NUP98: variants seen among roughly 807,000 people sequenced by gnomAD.
The protein encoded by NUP98 is nuclear pore complex protein Nup98-Nup96.
Under a neutral mutation model 191.9 loss-of-function variants are expected in NUP98, and 26 were observed. The observed-to-expected ratio is 0.14, with a 90% CI of 0.10 to 0.19. The LOEUF is 0.19. NUP98 is among the 10% of genes least tolerant of loss of function. NUP98 has a pLI of 1.00. For missense variants in NUP98, 1,941 were observed against 2,178.8 expected (o/e 0.89, Z 2.17); for synonymous variants, 808 against 778.4 (o/e 1.04, Z -0.63).
At chr11:3,736,874 A>C (rs1327023736) in intron 12 of NUP98, among the ~76,000 whole-genome samples, 1 of 152,200 alleles carries the variant, frequency 6.6e-6, no homozygotes, top group Non-Finnish European at 1.5e-5. Flanking sequence ...TTATAAGTTT[A>C]TTATTTACAT....
intron 18 of NUP98, 65 bp downstream of exon 18, chr11:3,719,347 T>C: frequency 7.5e-7 from 1 of 1,327,676 alleles, no homozygotes; most frequent in Non-Finnish European, 1.1e-6. Context: ...CTAAACACAT[T>C]TATGTTTACA....
intron 11 of NUP98, among the ~76,000 whole-genome samples, chr11:3,745,457 T>C (rs1339464028): frequency 1.3e-5 from 2 of 152,142 alleles, no homozygotes; most frequent in South Asian, 2.1e-4. Flanking sequence ...TTGTAGAAAC[T>C]GGTATTGTTG....
At position 3,774,005 on chromosome 11, in the gene NUP98, T is replaced by C. The variant is rs567494425; in HGVS notation, c.496-266A>G. 3.2e-4 allele frequency among the ~76,000 whole-genome samples: 48 copies of C among 152,188 alleles called. 2 individuals are homozygous for C. In the South Asian group the frequency reaches 1.0e-2, roughly 32 times the overall value. ...CAAGCCATCCAATTACATGGTAAAA[T>C]ACATGTAATATTATGCATAAAGAAA... On this transcript the variant is annotated intron_variant, in intron 5 of 32. Coordinates refer to ENST00000324932, the MANE Select transcript of NUP98 (RefSeq NM_016320.5).
intron 18 of NUP98, chr11:3,714,894 A>G (rs1014592162): frequency 2.0e-5 from 3 of 152,226 alleles, no homozygotes; most frequent in Non-Finnish European, 4.4e-5. Flanking sequence ...CCATTCACTT[A>G]TCAATGAACA....
intron 9 of NUP98, among the ~76,000 whole-genome samples, chr11:3,761,312 A>G (rs1015262814): frequency 1.3e-5 from 2 of 152,208 alleles, no homozygotes; most frequent in Non-Finnish European, 2.9e-5. Context: ...TGTGGACTAT[A>G]CATCAATAAA....
intron 14 of NUP98, among the ~76,000 whole-genome samples, chr11:3,725,682 T>C (rs1299233991): frequency 6.6e-6 from 1 of 152,242 alleles, no homozygotes; most frequent in Non-Finnish European, 1.5e-5. Flanking sequence ...AAAAGTTTTT[T>C]CTTTTTACTT....
intron 9 of NUP98, 66 bp downstream of exon 9, chr11:3,762,836 T>C (rs1042667165): frequency 1.3e-6 from 2 of 1,563,850 alleles, no homozygotes; most frequent in African/African-American, 2.7e-5. Context: ...GTCAAATCCT[T>C]AGAAGAAAAT....
intron 14 of NUP98, among the ~76,000 whole-genome samples, chr11:3,729,456 GCCTGTAAT>G (rs1303561437): frequency 6.7e-6 from 1 of 148,738 alleles, no homozygotes; most frequent in East Asian, 2.0e-4. Flanking sequence ...GGTAGCTCAT[GCCTGTAAT>G]CCTAACACCT....
intron 28 of NUP98, among the ~76,000 whole-genome samples, chr11:3,690,033 C>T (rs943086889): frequency 1.4e-5 from 2 of 147,110 alleles, no homozygotes; most frequent in African/African-American, 5.0e-5. Flanking sequence ...CTCACTGCAA[C>T]CTCCAACTCC....
intron 28 of NUP98, among the ~76,000 whole-genome samples, chr11:3,688,820 C>CATATATATATATATATATATATATATAT (rs71041372): frequency 7.3e-6 from 1 of 136,278 alleles, no homozygotes; most frequent in African/African-American, 2.8e-5. Flanking sequence ...TTTAAATATA[C>CATATATATATATATATATATATATATAT]ATATATATAT....
intron 14 of NUP98, among the ~76,000 whole-genome samples, chr11:3,729,594 G>GTGGTCTC (rs2079759043): frequency 6.8e-6 from 1 of 147,944 alleles, no homozygotes; most frequent in Non-Finnish European, 1.5e-5. Flanking sequence ...GTGTGGGCCT[G>GTGGTCTC]TGGTCTCAGC....
intron 21 of NUP98, among the ~76,000 whole-genome samples, chr11:3,705,582 G>C (rs2078836196): frequency 6.6e-6 from 1 of 152,182 alleles, no homozygotes; most frequent in South Asian, 2.1e-4. Context: ...CCAGAGCCTG[G>C]CACACAGCAG....
At chr11:3,766,689 C>CAAAAAAAAA (rs544567161) in intron 8 of NUP98, among the ~76,000 whole-genome samples, 53 of 58,850 alleles carry the variant, frequency 9.0e-4, no homozygotes, top group African/African-American at 1.6e-3. Flanking sequence ...AACTCCGTCT[C>CAAAAAAAAA]AAAAAAAAAA....
intron 21 of NUP98, 55 bp from the exon 22 acceptor site, chr11:3,705,411 C>T: frequency 6.4e-7 from 1 of 1,569,938 alleles, no homozygotes; most frequent in Non-Finnish European, 8.7e-7. Flanking sequence ...AAAGGCCATA[C>T]CAAAAAAAAA....
chr11:3,731,326 A>C, intron 14 of NUP98, 65 bp downstream of exon 14: 2 of 1,047,882 alleles, frequency 1.9e-6, no homozygotes, highest in Non-Finnish European at 2.6e-6. Flanking sequence ...ATAATTGTAT[A>C]TTATTTCATA....
At chr11:3,754,554 T>C (rs753426377) in intron 10 of NUP98, among the ~76,000 whole-genome samples, 19 of 152,184 alleles carry the variant, frequency 1.2e-4, no homozygotes, top group Admixed American at 4.6e-4. Flanking sequence ...TAGATGAACC[T>C]AGCCAGGATA....
intron 1 of NUP98, among the ~76,000 whole-genome samples, chr11:3,790,318 G>T (rs2082292993): frequency 6.6e-6 from 1 of 152,170 alleles, no homozygotes; most frequent in Non-Finnish European, 1.5e-5. Context: ...AGCAGAAGCT[G>T]CTCTGGCTGA....
intron 15 of NUP98, among the ~76,000 whole-genome samples, chr11:3,723,690 A>G (rs1589810804): frequency 6.6e-6 from 1 of 152,080 alleles, no homozygotes; most frequent in African/African-American, 2.4e-5. Flanking sequence ...AAAAACTGAA[A>G]AAAATGTTAG....
intron 1 of NUP98, among the ~76,000 whole-genome samples, chr11:3,796,782 T>C (rs538368059): frequency 2.6e-5 from 4 of 152,328 alleles, no homozygotes; most frequent in African/African-American, 7.2e-5. Flanking sequence ...GGTAGGGGGA[T>C]TGACTTAAAC....
Sources: allele counts gnomAD v4.1 joint callset (sites outside exome capture counted in the v4.1 genomes callset), GRCh38; gene constraint gnomAD v4.1.1; transcripts MANE v1.5; gene names NCBI Gene and HGNC (gene_info 2026-07-23, HGNC 2026-07-21).